FANCA: variants seen among roughly 807,000 people sequenced by gnomAD.
FANCA encodes FA complementation group A.
FANCA carries 236 observed loss-of-function variants against 194.3 expected under a neutral mutation model. The observed-to-expected ratio is 1.21, with a 90% CI of 1.09 to 1.35. The LOEUF (loss-of-function observed/expected upper bound fraction) is 1.35. FANCA is among the 40% of genes most tolerant of loss of function. FANCA has a pLI of 0.00. For synonymous variants in FANCA, 1,014 were observed against 715.8 expected, an observed-to-expected ratio of 1.42 and a Z score of -6.65; for missense variants, 2,628 against 1,813.9, an observed-to-expected ratio of 1.45 and a Z score of -8.15.
intron 14 of FANCA, 94 bp downstream of exon 14, chr16:89,791,309 A>C: frequency 6.5e-7 from 1 of 1,526,876 alleles, no homozygotes; most frequent in Non-Finnish European, 8.9e-7. Flanking sequence ...TTGCTCACTC[A>C]CATGACAGAG....
At chr16:89,741,228 C>T (rs2062125693) in intron 37 of FANCA, among the ~76,000 whole-genome samples, 2 of 152,232 alleles carry the variant, frequency 1.3e-5, no homozygotes, top group South Asian at 4.1e-4. Flanking sequence ...GATAAGCCCA[C>T]AGGCTCCAGC....
chr16:89,778,627 TAAAAAAAA>T (rs397693835), intron 20 of FANCA, among the ~76,000 whole-genome samples, 166 bp downstream of exon 20: 9 of 29,930 alleles, frequency 3.0e-4, no homozygotes, highest in South Asian at 1.6e-3. Context: ...AGACTCCAAC[TAAAAAAAA>T]AAAAAAAAAA....
chr16:89,809,504 AG>A (rs1240929825), intron 5 of FANCA, among the ~76,000 whole-genome samples: 1 of 152,026 alleles, frequency 6.6e-6, no homozygotes, highest in Non-Finnish European at 1.5e-5. Context: ...ACCTGAGGTC[AG>A]GAATTGAAGA....
rs752812289 is a variant in FANCA, at chr16:89,783,057, G to C, written c.1516C>G (p.Leu506Val). 1.2e-6 allele frequency: 2 copies of C among 1,613,986 alleles called. No individual in the cohort carries two copies. The highest frequency in any genetic ancestry group is 1.3e-5 in the African/African-American group (1 of 75,034). Residue 506 changes from leucine (L) to valine (V), a missense_variant, in exon 16 of 43, where the codon CTC becomes GTC. Physicochemically the swap from Leu to Val is conservative, Grantham distance 32. Coordinates refer to ENST00000389301, the MANE Select transcript of FANCA (RefSeq NM_000135.4). ...PPLVPGKYRS[L>V]LTDYISLAKT... ...GCCAATGAGATGTAGTCTGTGAGGA[G>C]GGAGCGGTACTTGCCGGGAACCAGG...
At chr16:89,797,302 G>T (rs941736738) in intron 10 of FANCA, among the ~76,000 whole-genome samples, 2 of 152,160 alleles carry the variant, frequency 1.3e-5, no homozygotes, top group African/African-American at 2.4e-5. Flanking sequence ...CTGCACTCCA[G>T]CCTGGGCGAC....
chr16:89,792,343 C>T (rs1034211859), intron 12 of FANCA, 128 bp downstream of exon 12: 2 of 1,059,300 alleles, frequency 1.9e-6, no homozygotes, highest in East Asian at 2.4e-5. Flanking sequence ...ATGAGGACAG[C>T]CACATCTCAC....
At chr16:89,805,630 C>A (rs552390566) in intron 6 of FANCA, among the ~76,000 whole-genome samples, 132 of 152,182 alleles carry the variant, frequency 8.7e-4, no homozygotes, top group African/African-American at 3.1e-3. Context: ...AGCTGGAGGT[C>A]TTACTACTTT....
At chr16:89,747,690 G>T (rs750143384) in intron 33 of FANCA, among the ~76,000 whole-genome samples, 11 of 151,996 alleles carry the variant, frequency 7.2e-5, no homozygotes, top group African/African-American at 2.7e-4. Flanking sequence ...GACAGAGCAA[G>T]ACTCTGTCTC....
chr16:89,799,331 C>A lies in FANCA; in HGVS notation c.827-99G>T. On this transcript the variant is annotated intron_variant, in intron 9 of 42. Coordinates refer to ENST00000389301, the MANE Select transcript of FANCA (RefSeq NM_000135.4). ...CTTTCAGACAACAGATCCACTTCAA[C>A]CCCCCAGAGGGCCCACATCCATCAA... 6 of 1,372,338 alleles carry A rather than the reference C, an allele frequency of 4.4e-6. No individual in the cohort carries two copies. In the South Asian group the frequency reaches 5.9e-5, roughly 14 times the overall value. The allele number at this position is 1,372,338 out of a possible 1,614,324, so 85.0% of individuals were successfully genotyped here. A position where few individuals can be genotyped will look rare whatever the true frequency, so the allele number is the denominator to read the frequency against.
At chr16:89,782,067 T>C (rs539198100) in intron 17 of FANCA, among the ~76,000 whole-genome samples, 2 of 151,548 alleles carry the variant, frequency 1.3e-5, no homozygotes, top group South Asian at 2.1e-4. Flanking sequence ...ATCTGACATT[T>C]GGCTGCTATA....
rs74033852 is a variant in FANCA at position 89,745,377 on chromosome 16, T to C, written c.3514-306A>G. Among the ~76,000 whole-genome samples, 561 of 151,194 alleles carry C rather than the reference T, an allele frequency of 3.7e-3. 8 individuals are homozygous for C. Among genetic ancestry groups the C allele is most frequent in the African/African-American group, 0.013 (541 of 40,798 alleles). The stretch of plus-strand genomic sequence containing the variant: ...AAACAGTGAAGGGACCACAGTCCCC[T>C]GAGCTGGGAATGAAACAGTGAAGGG... On this transcript the variant is annotated intron_variant, in intron 35 of 42. Coordinates refer to ENST00000389301, the MANE Select transcript of FANCA (RefSeq NM_000135.4).
intron 42 of FANCA, 43 bp downstream of exon 42, chr16:89,738,839 C>G: frequency 1.9e-6 from 3 of 1,614,180 alleles, no homozygotes; most frequent in Non-Finnish European, 2.5e-6. Context: ...GCTGTCAATT[C>G]TCATGTCCCC....
intron 8 of FANCA, among the ~76,000 whole-genome samples, chr16:89,802,537 G>C (rs2040492213): frequency 6.6e-6 from 1 of 152,140 alleles, no homozygotes; most frequent in Admixed American, 6.6e-5. Context: ...GAGTGGCTGG[G>C]TCCACAGGTG....
chr16:89,811,918 G>A (rs925647333), intron 3 of FANCA, among the ~76,000 whole-genome samples: 10 of 151,616 alleles, frequency 6.6e-5, no homozygotes, highest in Non-Finnish European at 1.5e-5. Flanking sequence ...TTTTAGTAGA[G>A]ATGGGGTTTC....
In FANCA at chr16:89,738,909, C is replaced by T. The variant is rs368985041; in HGVS notation, c.4233G>A (p.Pro1411=). 34 of 1,614,108 alleles carry T rather than the reference C, an allele frequency of 2.1e-5. No homozygotes were observed. Among genetic ancestry groups the T allele is most frequent in the Middle Eastern group, 1.6e-4 (1 of 6,084 alleles). Residue 1411 remains proline, a synonymous_variant, in exon 42 of 43, where the codon CCG becomes CCA. Coordinates refer to ENST00000389301, the MANE Select transcript of FANCA (RefSeq NM_000135.4). ...CTGCCACGTGTGAGAAGCTCTTTTT[C>T]GGGCACCGAGGTATTAACTGCAGCA... is the stretch of plus-strand genomic sequence containing the variant. The part of the protein sequence containing the change: ...LFLLQLIPRC[P]KKSFSHVAEL...
intron 11 of FANCA, chr16:89,792,828 C>T: frequency 2.5e-6 from 1 of 397,082 alleles, no homozygotes. Flanking sequence ...TGTGAGTCAT[C>T]TCCAATGATA....
At chr16:89,777,076 G>A (rs1424416775) in intron 20 of FANCA, among the ~76,000 whole-genome samples, 1 of 152,132 alleles carries the variant, frequency 6.6e-6, no homozygotes, top group Admixed American at 6.6e-5. Context: ...TGGGTGTGGT[G>A]GAGCGCGCCT....
chr16:89,790,678 G>T (rs533118744), intron 14 of FANCA, among the ~76,000 whole-genome samples: 44 of 151,664 alleles, frequency 2.9e-4, no homozygotes, highest in African/African-American at 1.1e-3. Context: ...GCAGTGAGCC[G>T]AGAAGGTGAG....
intron 35 of FANCA, among the ~76,000 whole-genome samples, chr16:89,746,109 T>C (rs1312990414): frequency 6.6e-6 from 1 of 152,144 alleles, no homozygotes; most frequent in Non-Finnish European, 1.5e-5. Context: ...CTCGGGACCC[T>C]GGGCTGCTAG....
Sources: allele counts gnomAD v4.1 joint callset (sites outside exome capture counted in the v4.1 genomes callset), GRCh38; gene constraint gnomAD v4.1.1; transcripts MANE v1.5; gene names NCBI Gene and HGNC (gene_info 2026-07-23, HGNC 2026-07-21).